RERE: variants seen among roughly 807,000 people sequenced by gnomAD.
The protein encoded by RERE is arginine-glutamic acid dipeptide repeats protein.
In RERE, 40 loss-of-function variants were observed where a neutral mutation model predicts 146.1. The observed-to-expected ratio is 0.27, with a 90% CI of 0.21 to 0.36. RERE has a LOEUF of 0.36. Ranked by LOEUF, RERE falls within the 10% of genes least tolerant of loss-of-function variation. The probability of loss-of-function intolerance (pLI) is 1.00; values close to 1 mark genes in which losing one functional copy is unlikely to be tolerated. For synonymous variants in RERE, 1,003 were observed against 866.0 expected (o/e 1.16, Z -2.78); for missense variants, 1,933 against 2,138.7 (o/e 0.90, Z 1.90).
At chr1:8,392,296 TAAACAA>T (rs1642908638) in intron 12 of RERE, among the ~76,000 whole-genome samples, 1 of 151,906 alleles carries the variant, frequency 6.6e-6, no homozygotes, top group South Asian at 2.1e-4. Context: ...GAAATAGAAA[TAAACAA>T]AATACACAAT....
At chr1:8,692,034 G>C (rs1639218064) in intron 1 of RERE, among the ~76,000 whole-genome samples, 1 of 152,102 alleles carries the variant, frequency 6.6e-6, no homozygotes, top group East Asian at 1.9e-4. Context: ...CCTCAATAAA[G>C]AAAGAAAATA....
intron 11 of RERE, chr1:8,465,067 C>T (rs896880873): frequency 1.3e-5 from 2 of 152,214 alleles, no homozygotes; most frequent in Non-Finnish European, 2.9e-5. Context: ...AAATTTCATT[C>T]GACCTGAAAG....
chr1:8,373,394 A>G (rs781526827), intron 12 of RERE, among the ~76,000 whole-genome samples: 8 of 152,202 alleles, frequency 5.3e-5, no homozygotes, highest in Non-Finnish European at 1.2e-4. Flanking sequence ...CGTAAAGGGG[A>G]TGAAGAAATC....
intron 20 of RERE, 117 bp downstream of exon 20, chr1:8,358,079 G>C (rs199826328): frequency 3.4e-6 from 5 of 1,477,114 alleles, no homozygotes. Context: ...AGATCTGCCA[G>C]GGATGAGGGA....
At chr1:8,564,799 GGT>G (rs1205410535) in intron 4 of RERE, among the ~76,000 whole-genome samples, 2 of 126,450 alleles carry the variant, frequency 1.6e-5, no homozygotes, top group Non-Finnish European at 1.8e-5. Flanking sequence ...CAGAAAATGT[GGT>G]GTGTGTGTAT....
intron 10 of RERE, among the ~76,000 whole-genome samples, chr1:8,488,769 C>A (rs1644937941): frequency 6.6e-6 from 1 of 152,108 alleles, no homozygotes; most frequent in South Asian, 2.1e-4. Context: ...AAAAAAGCAG[C>A]TGATTTTCAA....
chr1:8,731,264 C>A (rs892745148), intron 1 of RERE, among the ~76,000 whole-genome samples: 2 of 152,110 alleles, frequency 1.3e-5, no homozygotes, highest in African/African-American at 2.4e-5. Flanking sequence ...CAGGTTCTTA[C>A]AAGAACATCA....
At chr1:8,411,600 C>G (rs1643617851) in intron 12 of RERE, among the ~76,000 whole-genome samples, 1 of 152,076 alleles carries the variant, frequency 6.6e-6, no homozygotes, top group Admixed American at 6.6e-5. Context: ...AACCCATCTA[C>G]CAGGTGATAC....
chr1:8,729,903 G>A (rs1640047669), intron 1 of RERE, among the ~76,000 whole-genome samples: 1 of 152,148 alleles, frequency 6.6e-6, no homozygotes, highest in African/African-American at 2.4e-5. Context: ...AGAGCTCTAA[G>A]GTTTTCTTTC....
At chr1:8,700,413 T>C (rs1639422318) in intron 1 of RERE, among the ~76,000 whole-genome samples, 1 of 151,252 alleles carries the variant, frequency 6.6e-6, no homozygotes, top group African/African-American at 2.4e-5. Flanking sequence ...TGAGAACCCA[T>C]GTCAGTCACA....
At chr1:8,706,086 C>A (rs1171069167) in intron 1 of RERE, among the ~76,000 whole-genome samples, 2 of 123,746 alleles carry the variant, frequency 1.6e-5, no homozygotes, top group Non-Finnish European at 3.1e-5. Context: ...GCACTCCAGG[C>A]TGGGTGACAG....
chr1:8,401,882 T>A (rs1052395070), intron 12 of RERE, among the ~76,000 whole-genome samples: 6 of 152,266 alleles, frequency 3.9e-5, no homozygotes, highest in African/African-American at 1.4e-4. Context: ...ATTTTATTTT[T>A]TTGAGACAGA....
chr1:8,540,218 CCT>C (rs1391609907), intron 7 of RERE, among the ~76,000 whole-genome samples: 1 of 152,178 alleles, frequency 6.6e-6, no homozygotes. Context: ...GCCTCAGCTT[CCT>C]GAGTACCTGG....
At chr1:8,762,698 A>C (rs1640777942) in intron 1 of RERE, among the ~76,000 whole-genome samples, 1 of 152,156 alleles carries the variant, frequency 6.6e-6, no homozygotes, top group Admixed American at 6.5e-5. Flanking sequence ...TAATGGACTA[A>C]ACGATTCAAG....
rs70990565 is a variant in RERE, at chr1:8,403,433, CTT to C, written c.1284+19292_1284+19293del. 3.6e-3 allele frequency among the ~76,000 whole-genome samples: 492 copies of C among 137,282 alleles called. 2 individuals are homozygous for C. The highest frequency in any genetic ancestry group is 0.012 in the South Asian group (50 of 4,256). 90.1% of individuals were successfully genotyped at this position (137,282 alleles called of 152,430 possible). ...CCTTGCTGTATTATATTCATATTTT[CTT>C]TTTTTTTTTTTTTCCTGCTTCTCGG... is the stretch of plus-strand genomic sequence containing the variant. On this transcript the variant is annotated intron_variant, in intron 12 of 22. Transcript: ENST00000400908.
chr1:8,420,039 A>G (rs1413800532), intron 12 of RERE, among the ~76,000 whole-genome samples: 1 of 152,234 alleles, frequency 6.6e-6, no homozygotes, highest in Admixed American at 6.5e-5. Flanking sequence ...CAGTAAGGCC[A>G]AGAATAGAAC....
At chr1:8,805,007 G>GTTTTTTTTTTTTTTTTTTTTTTT (rs1557553356) in intron 1 of RERE, among the ~76,000 whole-genome samples, 3 of 61,364 alleles carry the variant, frequency 4.9e-5, no homozygotes, top group Non-Finnish European at 9.4e-5. Context: ...TTTTGTTTTT[G>GTTTTTTTTTTTTTTTTTTTTTTT]GTTTTTTTTT....
chr1:8,502,552 C>T (rs1213496683), intron 8 of RERE, among the ~76,000 whole-genome samples: 1 of 143,964 alleles, frequency 6.9e-6, no homozygotes, highest in Non-Finnish European at 1.5e-5. Flanking sequence ...AAGTGAGGAG[C>T]CCCTCTGCCC....
intron 11 of RERE, chr1:8,424,125 C>T (rs1643970872): frequency 6.6e-6 from 1 of 152,288 alleles, no homozygotes; most frequent in African/African-American, 2.4e-5. Context: ...GGCCGCACGC[C>T]CTCCGCCCCA....
Sources: gnomAD v4.1 joint callset for allele counts (sites outside exome capture counted in the v4.1 genomes callset) on GRCh38, gnomAD v4.1.1 for gene constraint, MANE v1.5 for transcripts, NCBI Gene and HGNC (gene_info 2026-07-23, HGNC 2026-07-21) for gene names.